CLCN3: variants seen among roughly 807,000 people sequenced by gnomAD.
CLCN3 encodes H(+)/Cl(-) exchange transporter 3.
In CLCN3, 16 loss-of-function variants were observed where a neutral mutation model predicts 83.4. The ratio of observed to expected loss-of-function variants is 0.19; its 90% CI spans 0.13 to 0.29. The LOEUF (loss-of-function observed/expected upper bound fraction) is 0.29. Among genes scored for constraint, CLCN3 ranks in the 10% least tolerant of loss-of-function variants. The pLI is 1.00. For synonymous variants in CLCN3, 322 were observed against 346.2 expected, an observed-to-expected ratio of 0.93 and a Z score of 0.78; for missense variants, 544 against 1,006.0, an observed-to-expected ratio of 0.54 and a Z score of 6.21.
intron 2 of CLCN3, among the ~76,000 whole-genome samples, chr4:169,674,985 G>A (rs527747080): frequency 3.3e-5 from 5 of 152,080 alleles, no homozygotes; most frequent in Admixed American, 1.3e-4. Context: ...CAATCTATCC[G>A]TCCTCCTCAG....
At chr4:169,672,158 G>A (rs746868386) in intron 2 of CLCN3, among the ~76,000 whole-genome samples, 2 of 151,906 alleles carry the variant, frequency 1.3e-5, no homozygotes, top group Non-Finnish European at 2.9e-5. Context: ...CTTGCAGTGA[G>A]CCGAGATCGC....
intron 9 of CLCN3, chr4:169,702,932 G>C (rs1220303671): frequency 6.0e-6 from 1 of 166,718 alleles, no homozygotes; most frequent in African/African-American, 2.3e-5. Context: ...GTTCTTAGTT[G>C]GACTAATTTC....
intron 2 of CLCN3, among the ~76,000 whole-genome samples, chr4:169,664,437 C>A (rs1032240285): frequency 3.3e-5 from 5 of 151,994 alleles, no homozygotes; most frequent in African/African-American, 1.2e-4. Flanking sequence ...ATATGATATT[C>A]TTATTGCCAG....
chr4:169,675,491 T>A (rs1422373505), intron 2 of CLCN3, among the ~76,000 whole-genome samples: 3 of 152,256 alleles, frequency 2.0e-5, no homozygotes, highest in Non-Finnish European at 4.4e-5. Context: ...TAAACATATC[T>A]TGTGTTTTAT....
At chr4:169,646,487 G>A (rs1730576659) in intron 2 of CLCN3, among the ~76,000 whole-genome samples, 1 of 151,946 alleles carries the variant, frequency 6.6e-6, no homozygotes, top group African/African-American at 2.4e-5. Context: ...AGTAGAGATG[G>A]GTTTCGCTAT....
rs79059236 is a variant in CLCN3, at chr4:169,718,825, G to A, written c.2367-1082G>A. On this transcript the variant is annotated intron_variant, in intron 12 of 12. Transcript: ENST00000513761. ...AAAAACTACTAACCAGAATATTATC[G>A]TAGCTACTCATTCATTCTGCTTTCT... 7.4e-3 allele frequency among the ~76,000 whole-genome samples: 1,123 copies of A among 152,136 alleles called. 11 individuals carry two copies. The highest frequency in any genetic ancestry group is 0.026 in the African/African-American group (1,069 of 41,522).
intron 1 of CLCN3, among the ~76,000 whole-genome samples, chr4:169,635,586 T>C (rs1773481580): frequency 6.6e-6 from 1 of 152,184 alleles, no homozygotes; most frequent in Admixed American, 6.5e-5. Flanking sequence ...TCAGCCATCT[T>C]GTTCCCTACC....
intron 12 of CLCN3, 30 bp downstream of exon 12, chr4:169,713,325 C>T: frequency 6.6e-7 from 1 of 1,522,076 alleles, no homozygotes; most frequent in Non-Finnish European, 9.1e-7. Flanking sequence ...AATCAGTTCA[C>T]TTGCTAGAAT....
chr4:169,672,253 G>GATAGATAGATAA (rs1731495519), intron 2 of CLCN3, among the ~76,000 whole-genome samples: 1 of 151,942 alleles, frequency 6.6e-6, no homozygotes, highest in Non-Finnish European at 1.5e-5. Flanking sequence ...TAGATAGATA[G>GATAGATAGATAA]ATAGATAAAA....
intron 2 of CLCN3, chr4:169,663,063 C>G (rs1313237777): frequency 6.6e-6 from 1 of 151,802 alleles, no homozygotes; most frequent in Non-Finnish European, 1.5e-5. Context: ...CCTCCATTTA[C>G]TCCATGAGGG....
intron 2 of CLCN3, chr4:169,660,029 G>C (rs951917890): frequency 1.1e-5 from 11 of 996,672 alleles, no homozygotes; most frequent in Non-Finnish European, 1.3e-5. Flanking sequence ...TGCTACCGAA[G>C]CTGTATTGTG....
At chr4:169,717,398 A>G (rs1733465735) in intron 12 of CLCN3, among the ~76,000 whole-genome samples, 1 of 152,176 alleles carries the variant, frequency 6.6e-6, no homozygotes, top group Non-Finnish European at 1.5e-5. Context: ...TTGTGACATC[A>G]TAGAAATTAG....
chr4:169,715,489 C>T (rs1733389350), intron 12 of CLCN3, among the ~76,000 whole-genome samples: 1 of 151,818 alleles, frequency 6.6e-6, no homozygotes. Flanking sequence ...ATTAGGAAGT[C>T]GGGTGTTTTT....
intron 2 of CLCN3, among the ~76,000 whole-genome samples, chr4:169,678,921 G>GT: frequency 1.3e-5 from 2 of 152,366 alleles, no homozygotes; most frequent in African/African-American, 4.8e-5. Context: ...TCAATGAGCT[G>GT]TTGGGTACAC....
intron 1 of CLCN3, among the ~76,000 whole-genome samples, chr4:169,625,880 C>A (rs1443749726): frequency 6.6e-6 from 1 of 152,198 alleles, no homozygotes; most frequent in East Asian, 1.9e-4. Flanking sequence ...CAGAAGACTT[C>A]TGTGACCAGA....
intron 2 of CLCN3, chr4:169,660,218 A>T: frequency 8.3e-7 from 1 of 1,207,104 alleles, no homozygotes; most frequent in Non-Finnish European, 1.0e-6. Context: ...GGAAGAACCC[A>T]GTTGCTTCAG....
intron 1 of CLCN3, among the ~76,000 whole-genome samples, chr4:169,621,806 T>G (rs1773119534): frequency 6.6e-6 from 1 of 152,254 alleles, no homozygotes; most frequent in Admixed American, 6.5e-5. Context: ...TTAGAAGATT[T>G]TTTTTTATGA....
chr4:169,656,725 G>A (rs1730898625), intron 2 of CLCN3, among the ~76,000 whole-genome samples: 1 of 152,122 alleles, frequency 6.6e-6, no homozygotes, highest in African/African-American at 2.4e-5. Flanking sequence ...TTGGTGCAGT[G>A]GACAGTGTTG....
intron 12 of CLCN3, chr4:169,717,981 C>T (rs1053176413): frequency 3.4e-6 from 2 of 584,254 alleles, no homozygotes; most frequent in African/African-American, 1.8e-5. Context: ...AAATATCCTA[C>T]TATGCTGCCA....
Sources: allele counts gnomAD v4.1 joint callset (sites outside exome capture counted in the v4.1 genomes callset), GRCh38; gene constraint gnomAD v4.1.1; transcripts MANE v1.5; gene names NCBI Gene and HGNC (gene_info 2026-07-23, HGNC 2026-07-21).